PLAAT3: variants seen among roughly 807,000 people sequenced by gnomAD.
PLAAT3 encodes the protein Ca-independent phospholipase A1/2.
PLAAT3 carries 21 observed loss-of-function variants against 16.7 expected under a neutral mutation model. The observed-to-expected ratio is 1.26, with a 90% CI of 0.89 to 1.81. The LOEUF is 1.81. Among genes scored for constraint, PLAAT3 ranks in the 40% most tolerant of loss-of-function variants. The pLI is 0.00. For synonymous variants in PLAAT3, 76 were observed against 81.7 expected, an observed-to-expected ratio of 0.93 and a Z score of 0.38; for missense variants, 219 against 213.7, an observed-to-expected ratio of 1.02 and a Z score of -0.16.
In PLAAT3 at chr11:63,592,937, T is replaced by G. The variant is rs149344786; in HGVS notation, c.119-2569A>C. Among the ~76,000 whole-genome samples, 962 of 152,284 alleles carry G rather than the reference T, an allele frequency of 6.3e-3. 13 individuals are homozygous for G. Among genetic ancestry groups the G allele is most frequent in the African/African-American group, 0.021 (891 of 41,548 alleles). On this transcript the variant is annotated intron_variant, in intron 3 of 4. Transcript: ENST00000415826. ...CCACATGACTCCTGTGAAACTCAAGTGAGATGCAGGTAGAAGCATCTTTTC... is the reference window on the plus strand; with the variant it reads ...CCACATGACTCCTGTGAAACTCAAGGGAGATGCAGGTAGAAGCATCTTTTC...
intron 2 of PLAAT3, among the ~76,000 whole-genome samples, chr11:63,599,268 G>A (rs942296862): frequency 3.3e-5 from 5 of 152,172 alleles, no homozygotes; most frequent in African/African-American, 4.8e-5. Context: ...CACAGTCAGG[G>A]CTAAACTGCC....
intron 2 of PLAAT3, chr11:63,608,539 G>A (rs1383487508): frequency 6.6e-6 from 1 of 152,320 alleles, no homozygotes; most frequent in African/African-American, 2.4e-5. Context: ...TGCGGGACCA[G>A]GGAGGACAGT....
At chr11:63,601,557 T>C (rs910378994) in intron 2 of PLAAT3, among the ~76,000 whole-genome samples, 2 of 152,082 alleles carry the variant, frequency 1.3e-5, no homozygotes, top group Non-Finnish European at 2.9e-5. Context: ...GGCTCACCTA[T>C]GGAGCCCTAC....
chr11:63,614,297 T>C (rs1938775397), intron 1 of PLAAT3, 88 bp downstream of exon 1: 1 of 499,490 alleles, frequency 2.0e-6, no homozygotes, highest in Non-Finnish European at 3.6e-6. Flanking sequence ...CCTACCCAAT[T>C]AGATCTCTTC....
intron 2 of PLAAT3, among the ~76,000 whole-genome samples, chr11:63,612,451 A>T (rs1938718174): frequency 6.6e-6 from 1 of 152,232 alleles, no homozygotes; most frequent in African/African-American, 2.4e-5. Context: ...ACTAATCCTG[A>T]TGGTTAAGGC....
chr11:63,615,056 A>ATATATGTGTATATATGTG (rs1565259551), upstream of PLAAT3, among the ~76,000 whole-genome samples: 9 of 27,884 alleles, frequency 3.2e-4, no homozygotes, highest in Non-Finnish European at 6.4e-4. Flanking sequence ...ATATATGTGT[A>ATATATGTGTATATATGTG]TATATATGTG....
chr11:63,575,099 G>A (rs2017641989), intron 4 of PLAAT3, 53 bp from the exon 5 acceptor site: 1 of 1,228,558 alleles, frequency 8.1e-7, no homozygotes, highest in Admixed American at 1.7e-5. Flanking sequence ...CAGAGTACAG[G>A]CTGCACATTC....
Position 63,614,282 on chromosome 11 carries a change from C to T in PLAAT3, c.-55+103G>A, listed in dbSNP as rs570150147. On this transcript the variant is annotated intron_variant, in intron 1 of 4. Transcript: ENST00000415826. ...GGGCGGCTCGGCAGGCTAGTCTACA[C>T]CCGCCCTACCCAATTAGATCTCTTC... The T allele has an allele frequency of 1.1e-5, 6 of 547,982 alleles. No individual in the cohort carries two copies. In the African/African-American group the frequency reaches 1.2e-4, roughly 11 times the overall value. 33.9% of individuals were successfully genotyped at this position (547,982 alleles called of 1,614,324 possible).
chr11:63,615,100 GTA>G (rs1938812260), upstream of PLAAT3, among the ~76,000 whole-genome samples: 1 of 122,542 alleles, frequency 8.2e-6, no homozygotes, highest in African/African-American at 2.8e-5. Flanking sequence ...GTATATATGT[GTA>G]TATATGTGTG....
chr11:63,612,052 CGCTTGA>C (rs1207431919), intron 2 of PLAAT3, among the ~76,000 whole-genome samples: 3 of 152,148 alleles, frequency 2.0e-5, no homozygotes, highest in Non-Finnish European at 4.4e-5. Context: ...GCAGGAGACT[CGCTTGA>C]ACCCAGGAGG....
At chr11:63,607,190 A>C (rs1371994617) in intron 2 of PLAAT3, among the ~76,000 whole-genome samples, 1 of 152,226 alleles carries the variant, frequency 6.6e-6, no homozygotes, top group Non-Finnish European at 1.5e-5. Context: ...GTTTAGAGAC[A>C]GAGTAGGCTG....
intron 2 of PLAAT3, among the ~76,000 whole-genome samples, chr11:63,599,751 G>A (rs998021290): frequency 6.6e-6 from 1 of 152,038 alleles, no homozygotes; most frequent in Non-Finnish European, 1.5e-5. Flanking sequence ...TCAGAGTTTG[G>A]GGATTCAAGA....
intron 4 of PLAAT3, among the ~76,000 whole-genome samples, chr11:63,580,377 C>G (rs1937771257): frequency 6.6e-6 from 1 of 152,166 alleles, no homozygotes; most frequent in Admixed American, 6.5e-5. Context: ...AATTATCGGC[C>G]AGGTGTGGTG....
chr11:63,595,290 C>G (rs138044193), intron 3 of PLAAT3, among the ~76,000 whole-genome samples: 1 of 75,782 alleles, frequency 1.3e-5, no homozygotes, highest in African/African-American at 4.4e-5. Context: ...GACTCCGTCT[C>G]GGAAAAAAAA....
At chr11:63,598,025 G>GGGGCCCATCACAGTGGA in intron 3 of PLAAT3, 36 bp downstream of exon 3, 1 of 1,377,236 alleles carries the variant, frequency 7.3e-7, no homozygotes, top group Non-Finnish European at 1.0e-6. Flanking sequence ...CCCAGCCCCT[G>GGGGCCCATCACAGTGGA]GGGCCCATCA....
intron 4 of PLAAT3, 45 bp downstream of exon 4, chr11:63,590,055 G>T: frequency 6.3e-7 from 1 of 1,588,096 alleles, no homozygotes; most frequent in Non-Finnish European, 8.6e-7. Flanking sequence ...TCAGCAGAGG[G>T]AATGGTCTGG....
chr11:63,577,703 C>T (rs1375740635), intron 4 of PLAAT3, among the ~76,000 whole-genome samples: 2 of 152,140 alleles, frequency 1.3e-5, no homozygotes, highest in Admixed American at 6.5e-5. Context: ...AAGGAAACGT[C>T]CTTTTAAAAA....
Position 63,590,153 on chromosome 11 carries a change from T to G in PLAAT3, c.334A>C (p.Asn112His). 6.2e-7 allele frequency: 1 copy of G among 1,614,172 alleles called. No homozygotes were observed. The highest frequency in any genetic ancestry group is 8.5e-7 in the Non-Finnish European group (1 of 1,180,018). ...QEVLYKLTSE[N>H]CEHFVNELRY... ...AGCTCATTCACAAAGTGCTCGCAGT[T>G]CTCACTGGTCAGCTTGTAGAGCACC... is the stretch of plus-strand genomic sequence containing the variant. Residue 112 changes from asparagine (N) to histidine (H), a missense_variant, in exon 4 of 5, where the codon AAC becomes CAC. Transcript: ENST00000415826.
chr11:63,594,495 G>A (rs1938233015), intron 3 of PLAAT3, among the ~76,000 whole-genome samples: 1 of 152,110 alleles, frequency 6.6e-6, no homozygotes, highest in Admixed American at 6.5e-5. Context: ...CAAGTCAGCT[G>A]TGATGGGACT....
Sources: gnomAD v4.1 joint callset for allele counts (sites outside exome capture counted in the v4.1 genomes callset) on GRCh38, gnomAD v4.1.1 for gene constraint, MANE v1.5 for transcripts, NCBI Gene and HGNC (gene_info 2026-07-23, HGNC 2026-07-21) for gene names.